Variants in BRINP3 observed in about 807,000 individuals in gnomAD.
The protein encoded by BRINP3 is BMP/retinoic acid-inducible neural-specific protein 3.
A neutral mutation model predicts 71.0 loss-of-function variants in BRINP3; 19 were observed. The ratio of observed to expected loss-of-function variants is 0.27; its 90% confidence interval spans 0.19 to 0.39. The LOEUF (loss-of-function observed/expected upper bound fraction) is 0.39, where lower values mean the gene tolerates loss of function less well. Ranked by LOEUF, BRINP3 falls within the 10% of genes least tolerant of loss-of-function variation. The pLI is 1.00. For synonymous variants in BRINP3, 380 were observed against 337.7 expected (o/e 1.13, Z -1.37); for missense variants, 959 against 940.8 (o/e 1.02, Z -0.25).
intron 6 of BRINP3, among the ~76,000 whole-genome samples, chr1:190,179,108 G>A (rs746546649): frequency 6.6e-6 from 1 of 152,066 alleles, no homozygotes; most frequent in Non-Finnish European, 1.5e-5. Context: ...AGCACTAGCA[G>A]GAGGCCCTTA....
At chr1:190,348,015 A>G (rs1668135928) in intron 2 of BRINP3, among the ~76,000 whole-genome samples, 1 of 152,158 alleles carries the variant, frequency 6.6e-6, no homozygotes, top group African/African-American at 2.4e-5. Flanking sequence ...TAGAAAATGG[A>G]GTAGAACAAA....
Position 190,355,476 on chromosome 1 carries a change from C to T in BRINP3, c.237-73726G>A, listed in dbSNP as rs1486289946. On this transcript the variant is annotated intron_variant, in intron 2 of 7. Transcript: ENST00000367462. ...AACCAAAAACAAACATTATAAGTGACAACAGCTAAAACTAAGCATGATATT... is the reference window on the plus strand; with the variant it reads ...AACCAAAAACAAACATTATAAGTGATAACAGCTAAAACTAAGCATGATATT... 2.0e-5 allele frequency among the ~76,000 whole-genome samples: 3 copies of T among 151,846 alleles called. No homozygotes were observed. The East Asian group carries it at 5.8e-4, about 29-fold the overall frequency.
chr1:190,297,314 A>G (rs1664325243), intron 2 of BRINP3, among the ~76,000 whole-genome samples: 1 of 152,092 alleles, frequency 6.6e-6, no homozygotes, highest in African/African-American at 2.4e-5. Context: ...AAAACTGGAT[A>G]TTCATAAGTG....
At chr1:190,174,292 T>C (rs1169428232) in intron 6 of BRINP3, among the ~76,000 whole-genome samples, 1 of 152,138 alleles carries the variant, frequency 6.6e-6, no homozygotes, top group Admixed American at 6.6e-5. Context: ...CTCTGCCTCG[T>C]CATTAATGTG....
chr1:190,301,204 C>CATAT (rs369121473), intron 2 of BRINP3, among the ~76,000 whole-genome samples: 4,384 of 105,784 alleles, frequency 0.041, 138 homozygotes, highest in Middle Eastern at 0.081. Context: ...TATACACATA[C>CATAT]ATATATATAT....
chr1:190,327,798 T>A (rs1666711961), intron 2 of BRINP3, among the ~76,000 whole-genome samples: 1 of 152,116 alleles, frequency 6.6e-6, no homozygotes, highest in Admixed American at 6.6e-5. Context: ...CTTTAGCAAC[T>A]GGATCTAATA....
chr1:190,123,056 C>G (rs1340451336), intron 7 of BRINP3, among the ~76,000 whole-genome samples: 2 of 152,074 alleles, frequency 1.3e-5, no homozygotes, highest in Non-Finnish European at 2.9e-5. Context: ...TCAAGATTTA[C>G]CTGTCTTCTC....
rs575329868 is a variant in BRINP3 at position 190,438,842 on chromosome 1, T to G, written c.236+15813A>C. 2.0e-5 allele frequency among the ~76,000 whole-genome samples: 3 copies of G among 151,964 alleles called. No homozygotes were observed. In the East Asian group the frequency reaches 5.8e-4, roughly 29 times the overall value. On this transcript the variant is annotated intron_variant, in intron 2 of 7. Transcript: ENST00000367462. Reference sequence around the variant, plus strand: ...CACTACCAGTTATCAATGTAGATTGTGACAGGAAGAGTAAAGGATAGGTTA... The same window carrying G: ...CACTACCAGTTATCAATGTAGATTGGGACAGGAAGAGTAAAGGATAGGTTA...
At chr1:190,331,484 CT>C (rs772892522) in intron 2 of BRINP3, among the ~76,000 whole-genome samples, 5 of 152,012 alleles carry the variant, frequency 3.3e-5, no homozygotes, top group Admixed American at 1.3e-4. Context: ...ATGGTAGAGT[CT>C]GTTAAATGCT....
At chr1:190,288,671 C>A (rs1368303069) in intron 2 of BRINP3, among the ~76,000 whole-genome samples, 1 of 151,800 alleles carries the variant, frequency 6.6e-6, no homozygotes, top group African/African-American at 2.4e-5. Flanking sequence ...TGGATTACTT[C>A]TTAGTAATTT....
rs774093565 is a variant in BRINP3 at position 190,435,674 on chromosome 1, G to T, written c.236+18981C>A. 2.0e-4 allele frequency among the ~76,000 whole-genome samples: 30 copies of T among 151,908 alleles called. 1 individual carries two copies. Among genetic ancestry groups the T allele is most frequent in the South Asian group, 2.1e-4 (1 of 4,820 alleles). ...ACTGGCACCCCAGGATTCAAAATCT[G>T]TTACTGTCTCTACTTTTCACAGCAA... On this transcript the variant is annotated intron_variant, in intron 2 of 7. Transcript: ENST00000367462.
At chr1:190,289,019 G>A (rs1373897179) in intron 2 of BRINP3, among the ~76,000 whole-genome samples, 1 of 151,428 alleles carries the variant, frequency 6.6e-6, no homozygotes, top group Non-Finnish European at 1.5e-5. Context: ...ATTAAACATT[G>A]GATTTTTTTT....
chr1:190,179,687 G>C (rs968006694), intron 6 of BRINP3, among the ~76,000 whole-genome samples: 1 of 152,090 alleles, frequency 6.6e-6, no homozygotes, highest in African/African-American at 2.4e-5. Flanking sequence ...AATTTGCTTT[G>C]CATATAAAGT....
At chr1:190,198,250 G>T (rs1482973271) in intron 6 of BRINP3, among the ~76,000 whole-genome samples, 1 of 152,164 alleles carries the variant, frequency 6.6e-6, no homozygotes, top group Admixed American at 6.5e-5. Flanking sequence ...TGATAGGAGA[G>T]ACTGCTGTGA....
intron 2 of BRINP3, among the ~76,000 whole-genome samples, chr1:190,419,259 AT>A (rs1422732324): frequency 6.6e-6 from 1 of 152,072 alleles, no homozygotes; most frequent in Non-Finnish European, 1.5e-5. Flanking sequence ...TTTCAAAAAA[AT>A]TTCTGTCATT....
intron 2 of BRINP3, among the ~76,000 whole-genome samples, chr1:190,425,709 T>C (rs769726539): frequency 9.2e-5 from 14 of 151,844 alleles, no homozygotes; most frequent in Non-Finnish European, 1.8e-4. Context: ...ACGTACAATG[T>C]TGCACAACAG....
intron 6 of BRINP3, among the ~76,000 whole-genome samples, chr1:190,174,539 G>T (rs760635903): frequency 6.6e-6 from 1 of 151,844 alleles, no homozygotes; most frequent in Non-Finnish European, 1.5e-5. Context: ...GGCAAAACTC[G>T]AAGTTTACAT....
At chr1:190,448,391 C>T (rs1675368322) in intron 2 of BRINP3, among the ~76,000 whole-genome samples, 1 of 151,200 alleles carries the variant, frequency 6.6e-6, no homozygotes, top group African/African-American at 2.4e-5. Flanking sequence ...CACAAAATTC[C>T]ATATATCAGT....
intron 6 of BRINP3, among the ~76,000 whole-genome samples, chr1:190,193,933 C>A (rs1445546851): frequency 6.6e-6 from 1 of 152,104 alleles, no homozygotes; most frequent in Non-Finnish European, 1.5e-5. Context: ...CACTAACCAA[C>A]TTTCCCCTAA....
Sources: allele counts gnomAD v4.1 joint callset (sites outside exome capture counted in the v4.1 genomes callset), GRCh38; gene constraint gnomAD v4.1.1; transcripts MANE v1.5; gene names NCBI Gene and HGNC (gene_info 2026-07-23, HGNC 2026-07-21).